The following NFXL1 variants were observed in gnomAD, a reference collection of about 807,000 sequenced individuals.
NFXL1 encodes nuclear transcription factor, X-box binding like 1, also known as NF-X1-type zinc finger protein NFXL1.
Under a neutral mutation model 123.3 loss-of-function variants are expected in NFXL1, and 66 were observed. The ratio of observed to expected loss-of-function variants is 0.54; its 90% confidence interval spans 0.44 to 0.66. The LOEUF is 0.66. Among genes scored for constraint, NFXL1 ranks in the 30% least tolerant of loss-of-function variants. NFXL1 has a pLI of 0.00. For missense variants in NFXL1, 944 were observed against 1,125.6 expected, an observed-to-expected ratio of 0.84 and a Z score of 2.31; for synonymous variants, 346 against 360.8, an observed-to-expected ratio of 0.96 and a Z score of 0.46.
chr4:47,908,200 C>A, intron 3 of NFXL1, among the ~76,000 whole-genome samples: 1 of 152,098 alleles, frequency 6.6e-6, no homozygotes. Context: ...TGGGAGAATT[C>A]TCTGTAGCCA....
intron 5 of NFXL1, 99 bp from the exon 6 acceptor site, chr4:47,899,647 T>G (rs1212362289): frequency 1.4e-6 from 1 of 720,108 alleles, no homozygotes; most frequent in Admixed American, 2.8e-5. Context: ...TAAATTAGTT[T>G]TATGTTAAGG....
chr4:47,862,129 T>C (rs1734803582), intron 19 of NFXL1, among the ~76,000 whole-genome samples: 1 of 152,264 alleles, frequency 6.6e-6, no homozygotes, highest in African/African-American at 2.4e-5. Flanking sequence ...GTAGAAGGAC[T>C]GCTTTGGTTT....
At chr4:47,900,262 T>A (rs1437870213) in intron 5 of NFXL1, among the ~76,000 whole-genome samples, 1 of 151,978 alleles carries the variant, frequency 6.6e-6, no homozygotes, top group African/African-American at 2.4e-5. Context: ...CAGGCTGGAG[T>A]ATAGTGGCGC....
intron 19 of NFXL1, among the ~76,000 whole-genome samples, chr4:47,856,349 TCAGA>T (rs938816341): frequency 7.9e-5 from 12 of 152,184 alleles, no homozygotes; most frequent in African/African-American, 2.9e-4. Flanking sequence ...AGGGCAATGG[TCAGA>T]CAGTCATCAA....
chr4:47,860,388 C>T (rs1436277555), intron 19 of NFXL1, among the ~76,000 whole-genome samples: 4 of 152,156 alleles, frequency 2.6e-5, no homozygotes, highest in Non-Finnish European at 5.9e-5. Flanking sequence ...ATGTTCTTAA[C>T]GACATCCTTA....
At chr4:47,858,014 C>G (rs1235199088) in intron 19 of NFXL1, among the ~76,000 whole-genome samples, 2 of 152,106 alleles carry the variant, frequency 1.3e-5, no homozygotes, top group African/African-American at 2.4e-5. Context: ...ATAAGTAAGC[C>G]AAAATTGATT....
chr4:47,895,454 T>C (rs10938506), intron 10 of NFXL1, among the ~76,000 whole-genome samples: 53,033 of 151,994 alleles, frequency 0.35, 9,686 homozygotes, highest in East Asian at 0.59. Context: ...TTACCTTAGC[T>C]AGATCATCTG....
chr4:47,862,707 C>T, intron 19 of NFXL1, 139 bp downstream of exon 19: 1 of 689,322 alleles, frequency 1.5e-6, no homozygotes, highest in Non-Finnish European at 2.6e-6. Flanking sequence ...ATGCATCTAC[C>T]CTAACTATAT....
At chr4:47,875,433 A>G in intron 17 of NFXL1, 140 bp from the exon 18 acceptor site, 1 of 514,352 alleles carries the variant, frequency 1.9e-6, no homozygotes, top group Non-Finnish European at 3.4e-6. Context: ...CAAACGGTAC[A>G]TGCTCTCATT....
At chr4:47,876,854 GA>G (rs1196581220) in intron 17 of NFXL1, among the ~76,000 whole-genome samples, 3 of 152,036 alleles carry the variant, frequency 2.0e-5, no homozygotes, top group Admixed American at 1.3e-4. Flanking sequence ...TTTTCTGTGG[GA>G]AAAGGACAAC....
At position 47,910,974 on chromosome 4, in the gene NFXL1, A is replaced by AT. The variant is rs767927541; in HGVS notation, c.255dup (p.Phe86IlefsTer2). On this transcript the variant is annotated frameshift_variant, in exon 3 of 23. Coordinates refer to ENST00000507489, the MANE Select transcript of NFXL1 (RefSeq NM_001278624.2). LOFTEE classifies it high-confidence loss of function. ...TGGTTAGCTTTCTTGATTTCTTCAA[A>AT]TTTTTTCTGAGACATTAGCTCTGTT... The AT allele has an allele frequency of 1.9e-6, 3 of 1,599,234 alleles. No individual in the cohort carries two copies. Among genetic ancestry groups the AT allele is most frequent in the Non-Finnish European group, 2.6e-6 (3 of 1,174,000 alleles).
intron 19 of NFXL1, among the ~76,000 whole-genome samples, chr4:47,857,843 A>T (rs1215129735): frequency 1.3e-5 from 2 of 152,168 alleles, no homozygotes; most frequent in Non-Finnish European, 2.9e-5. Flanking sequence ...AAAGAGCGAG[A>T]TGGTGGTTTA....
At chr4:47,876,123 G>A (rs1735736983) in intron 17 of NFXL1, among the ~76,000 whole-genome samples, 1 of 151,800 alleles carries the variant, frequency 6.6e-6, no homozygotes, top group South Asian at 2.1e-4. Context: ...TGACATATAG[G>A]ATTAAAAAGA....
At chr4:47,896,888 GCTAT>G (rs1457416308) in intron 9 of NFXL1, among the ~76,000 whole-genome samples, 4 of 152,098 alleles carry the variant, frequency 2.6e-5, no homozygotes, top group African/African-American at 7.2e-5. Context: ...ATTTTTATGG[GCTAT>G]CTACTTCAGA....
chr4:47,851,719 A>G, intron 21 of NFXL1, 137 bp downstream of exon 21: 1 of 575,948 alleles, frequency 1.7e-6, no homozygotes. Flanking sequence ...TGCCATTCAA[A>G]ATAAGCCTAT....
intron 15 of NFXL1, among the ~76,000 whole-genome samples, chr4:47,880,833 C>T (rs1474039316): frequency 9.8e-6 from 1 of 102,140 alleles, no homozygotes; most frequent in Non-Finnish European, 2.1e-5. Flanking sequence ...AAAAAAAACG[C>T]AAAAAGGAAC....
chr4:47,902,325 T>A (rs898098128), intron 5 of NFXL1, among the ~76,000 whole-genome samples: 1 of 152,234 alleles, frequency 6.6e-6, no homozygotes, highest in South Asian at 2.1e-4. Flanking sequence ...CCAATATGAA[T>A]AAATTTCTTA....
chr4:47,880,208 G>A (rs1014926424), intron 15 of NFXL1, among the ~76,000 whole-genome samples: 1 of 151,856 alleles, frequency 6.6e-6, no homozygotes, highest in African/African-American at 2.4e-5. Context: ...CCCAGCCTGA[G>A]CAACATAATG....
intron 3 of NFXL1, among the ~76,000 whole-genome samples, chr4:47,907,756 GTT>G (rs1296846593): frequency 2.6e-5 from 4 of 152,102 alleles, no homozygotes; most frequent in African/African-American, 9.6e-5. Flanking sequence ...AATGACAAAT[GTT>G]TTCTACATAC....
Sources: gnomAD v4.1 joint callset for allele counts (sites outside exome capture counted in the v4.1 genomes callset) on GRCh38, gnomAD v4.1.1 for gene constraint, MANE v1.5 for transcripts, NCBI Gene and HGNC (gene_info 2026-07-23, HGNC 2026-07-21) for gene names.